SGCZ: variants seen among roughly 807,000 people sequenced by gnomAD.
The protein encoded by SGCZ is sarcoglycan zeta, also known as zeta-sarcoglycan.
Under a neutral mutation model 41.3 loss-of-function variants are expected in SGCZ, and 40 were observed. That is an observed-to-expected ratio of 0.97 (90% CI 0.75 to 1.26). The LOEUF (loss-of-function observed/expected upper bound fraction) is 1.26, where lower values mean the gene tolerates loss of function less well. Among genes scored for constraint, SGCZ ranks in the 50% most tolerant of loss-of-function variants. The pLI is 0.00. For synonymous variants in SGCZ, 206 were observed against 137.5 expected (o/e 1.50, Z -3.49); for missense variants, 552 against 369.8 (o/e 1.49, Z -4.04).
At chr8:14,090,700 T>C in intron 7 of SGCZ, 63 bp from the exon 8 acceptor site, 1 of 1,401,798 alleles carries the variant, frequency 7.1e-7, no homozygotes. Flanking sequence ...GTAATCTACA[T>C]CCCTCCTCAA....
At chr8:14,315,206 T>A (rs1288965282) in intron 3 of SGCZ, among the ~76,000 whole-genome samples, 3 of 152,158 alleles carry the variant, frequency 2.0e-5, no homozygotes. Flanking sequence ...AAAATGGGAA[T>A]AAAATGACCT....
At chr8:14,940,309 T>C (rs535336952) in intron 1 of SGCZ, among the ~76,000 whole-genome samples, 1 of 152,220 alleles carries the variant, frequency 6.6e-6, no homozygotes, top group East Asian at 1.9e-4. Context: ...ATGTTTGCCA[T>C]CCATCTAATG....
chr8:14,451,850 G>A (rs959040296), intron 2 of SGCZ, among the ~76,000 whole-genome samples: 8 of 152,206 alleles, frequency 5.3e-5, no homozygotes, highest in African/African-American at 9.6e-5. Context: ...GTGAAGACAT[G>A]GAACAACAGA....
intron 2 of SGCZ, among the ~76,000 whole-genome samples, chr8:14,352,941 T>A (rs17119146): frequency 1.2e-4 from 19 of 152,058 alleles, no homozygotes; most frequent in African/African-American, 3.9e-4. Context: ...ATTTGATTTC[T>A]TTTGCTTTTG....
At chr8:14,783,373 G>T (rs1215209852) in intron 1 of SGCZ, among the ~76,000 whole-genome samples, 1 of 151,714 alleles carries the variant, frequency 6.6e-6, no homozygotes, top group South Asian at 2.1e-4. Flanking sequence ...GGTGGAAGTT[G>T]CAGTGAGCTG....
At chr8:14,512,015 T>C (rs544042900) in intron 2 of SGCZ, among the ~76,000 whole-genome samples, 37 of 152,184 alleles carry the variant, frequency 2.4e-4, no homozygotes, top group African/African-American at 8.9e-4. Context: ...GTTTTAAACA[T>C]AGGGCAACAT....
intron 1 of SGCZ, among the ~76,000 whole-genome samples, chr8:14,925,897 C>G: frequency 6.6e-6 from 1 of 152,124 alleles, no homozygotes; most frequent in East Asian, 1.9e-4. Flanking sequence ...AGCCTACCTA[C>G]TTTGGACACA....
intron 2 of SGCZ, among the ~76,000 whole-genome samples, chr8:14,402,704 G>T (rs1179177657): frequency 6.8e-6 from 1 of 146,658 alleles, no homozygotes; most frequent in Non-Finnish European, 1.5e-5. Flanking sequence ...TTGTAGTATA[G>T]TTTGAAGTCA....
chr8:14,764,181 T>TA (rs897988359), intron 1 of SGCZ, among the ~76,000 whole-genome samples: 1 of 152,156 alleles, frequency 6.6e-6, no homozygotes, highest in Non-Finnish European at 1.5e-5. Flanking sequence ...GAGATTTTTG[T>TA]AAAAAAGCAC....
intron 2 of SGCZ, among the ~76,000 whole-genome samples, chr8:14,473,590 G>A (rs981697927): frequency 2.0e-5 from 3 of 152,004 alleles, no homozygotes; most frequent in Non-Finnish European, 4.4e-5. Flanking sequence ...GAAAACATGT[G>A]GTGAAAATTC....
chr8:14,211,212 G>C (rs1264668479), intron 4 of SGCZ, among the ~76,000 whole-genome samples: 5 of 152,106 alleles, frequency 3.3e-5, no homozygotes, highest in Non-Finnish European at 7.4e-5. Context: ...AAGGTGTTTT[G>C]CTTGCAGGAC....
Position 14,191,727 on chromosome 8 carries a change from T to C in SGCZ, c.425-27025A>G, listed in dbSNP as rs563677814. ...AAAATCGTAAAGAGAAGAGAGAAAC[T>C]AAGGGTATGTGAAACATCATACAAA... On this transcript the variant is annotated intron_variant, in intron 4 of 7. Coordinates refer to ENST00000382080, the MANE Select transcript of SGCZ (RefSeq NM_139167.4). 5.4e-4 allele frequency among the ~76,000 whole-genome samples: 82 copies of C among 152,232 alleles called. 2 individuals are homozygous for C. In the South Asian group the frequency reaches 0.017, roughly 31 times the overall value.
intron 1 of SGCZ, among the ~76,000 whole-genome samples, chr8:14,788,448 G>T (rs1800843361): frequency 6.6e-6 from 1 of 152,136 alleles, no homozygotes; most frequent in South Asian, 2.1e-4. Flanking sequence ...AAAAGTGGAA[G>T]ATACTTTGTT....
At chr8:14,485,824 T>A (rs1362048425) in intron 2 of SGCZ, among the ~76,000 whole-genome samples, 2 of 137,228 alleles carry the variant, frequency 1.5e-5, no homozygotes, top group Non-Finnish European at 3.1e-5. Context: ...TTATATTTTC[T>A]CTAGAACAAT....
intron 1 of SGCZ, among the ~76,000 whole-genome samples, chr8:15,172,487 A>G (rs1799873959): frequency 6.6e-6 from 1 of 152,140 alleles, no homozygotes; most frequent in African/African-American, 2.4e-5. Flanking sequence ...TGAAAAAGAA[A>G]ACACCCACTA....
chr8:14,548,711 G>A (rs1040530807), intron 2 of SGCZ, among the ~76,000 whole-genome samples: 1 of 151,996 alleles, frequency 6.6e-6, no homozygotes, highest in East Asian at 1.9e-4. Flanking sequence ...ATTAGTGGGG[G>A]CTTATTTTGT....
intron 3 of SGCZ, among the ~76,000 whole-genome samples, chr8:14,268,761 C>T (rs1412951751): frequency 6.6e-6 from 1 of 151,774 alleles, no homozygotes; most frequent in East Asian, 1.9e-4. Flanking sequence ...GCATTCATTA[C>T]TTTTGTATTG....
At chr8:14,320,510 G>A (rs1188257676) in intron 3 of SGCZ, among the ~76,000 whole-genome samples, 4 of 151,768 alleles carry the variant, frequency 2.6e-5, no homozygotes, top group African/African-American at 9.7e-5. Flanking sequence ...TGCACAATGT[G>A]CAAGTTTGTT....
rs142299959 is a variant in SGCZ at position 14,201,436 on chromosome 8, T to C, written c.424+36156A>G. On this transcript the variant is annotated intron_variant, in intron 4 of 7. Transcript: ENST00000382080. ...GTGGTACATCCATGCAACAGAATAC[T>C]CCTTAGTAATAAAAAGGAACAAAAT... Among the ~76,000 whole-genome samples the C allele has an allele frequency of 1.2e-4, 19 of 152,228 alleles. No individual in the cohort carries two copies. In the East Asian group the frequency reaches 3.7e-3, roughly 29 times the overall value.
Sources: gnomAD v4.1 joint callset for allele counts (sites outside exome capture counted in the v4.1 genomes callset) on GRCh38, gnomAD v4.1.1 for gene constraint, MANE v1.5 for transcripts, NCBI Gene and HGNC (gene_info 2026-07-23, HGNC 2026-07-21) for gene names.